The following CDC42SE2 variants were observed in gnomAD, a reference collection of about 807,000 sequenced individuals.
The protein encoded by CDC42SE2 is CDC42 small effector protein 2.
Under a neutral mutation model 11.5 loss-of-function variants are expected in CDC42SE2, and 3 were observed. The ratio of observed to expected loss-of-function variants is 0.26; its 90% CI spans 0.12 to 0.67. CDC42SE2 has a LOEUF of 0.67. Ranked by LOEUF, CDC42SE2 falls within the 30% of genes least tolerant of loss-of-function variation. CDC42SE2 has a pLI of 0.80. For synonymous variants in CDC42SE2, 33 were observed against 34.8 expected, an observed-to-expected ratio of 0.95 and a Z score of 0.18; for missense variants, 82 against 106.8, an observed-to-expected ratio of 0.77 and a Z score of 1.02.
At position 131,279,525 on chromosome 5, in the gene CDC42SE2, T is replaced by G. The variant is rs527387139; in HGVS notation, c.-455+15359T>G. Among the ~76,000 whole-genome samples, 15 of 151,516 alleles carry G rather than the reference T, an allele frequency of 9.9e-5. No individual in the cohort carries two copies. The East Asian group carries it at 2.9e-3, about 29-fold the overall frequency. On this transcript the variant is annotated intron_variant, in intron 1 of 4. Transcript: ENST00000505065. ...TTTTTTTAACTTTTTTTTCTGCTTT[T>G]ACTTATTACCCTTTAAGTGCTTGCT...
intron 1 of CDC42SE2, among the ~76,000 whole-genome samples, chr5:131,276,095 G>T (rs1161318454): frequency 1.3e-5 from 2 of 151,518 alleles, no homozygotes; most frequent in African/African-American, 4.9e-5. Flanking sequence ...ATTATGTCAA[G>T]ACAAGATTTT....
chr5:131,345,132 C>G (rs574546215), intron 2 of CDC42SE2, among the ~76,000 whole-genome samples: 42 of 152,276 alleles, frequency 2.8e-4, no homozygotes, highest in African/African-American at 8.4e-4. Context: ...AGCAACGGAA[C>G]AAAGCTGGAC....
intron 3 of CDC42SE2, among the ~76,000 whole-genome samples, chr5:131,364,174 A>G (rs1442883336): frequency 6.6e-6 from 1 of 152,210 alleles, no homozygotes; most frequent in Non-Finnish European, 1.5e-5. Context: ...ATAAGTATGT[A>G]TGGTATCAGG....
At chr5:131,389,502 A>C (rs1414823629) in intron 4 of CDC42SE2, among the ~76,000 whole-genome samples, 8 of 152,250 alleles carry the variant, frequency 5.3e-5, no homozygotes, top group Non-Finnish European at 1.0e-4. Context: ...ATTTAAGAGC[A>C]AAACACATTT....
chr5:131,230,138 A>G, the CDC42SE2 span, among the ~76,000 whole-genome samples: 3 of 147,188 alleles, frequency 2.0e-5, no homozygotes, highest in African/African-American at 8.2e-5. Context: ...TGAGCATCCT[A>G]CTTGTTCTAA....
chr5:131,222,355 G>A, the CDC42SE2 span, among the ~76,000 whole-genome samples: 3 of 152,074 alleles, frequency 2.0e-5, 1 homozygote, highest in Non-Finnish European at 4.4e-5. Flanking sequence ...AGACTGCCTG[G>A]GCTGACCCCC....
At chr5:131,276,386 C>A (rs1480721836) in intron 1 of CDC42SE2, among the ~76,000 whole-genome samples, 2 of 150,566 alleles carry the variant, frequency 1.3e-5, no homozygotes, top group Non-Finnish European at 3.0e-5. Context: ...AAGGTTGAGG[C>A]TGCAGTGAGC....
At chr5:131,282,256 T>C (rs920293382) in intron 1 of CDC42SE2, among the ~76,000 whole-genome samples, 1 of 152,242 alleles carries the variant, frequency 6.6e-6, no homozygotes, top group Non-Finnish European at 1.5e-5. Context: ...ACATTTGTGT[T>C]ATATACATAG....
intron 3 of CDC42SE2, among the ~76,000 whole-genome samples, chr5:131,376,295 C>T (rs1014386333): frequency 5.9e-5 from 9 of 151,544 alleles, no homozygotes; most frequent in African/African-American, 2.2e-4. Flanking sequence ...CAAATGAGGA[C>T]TTCTGAGCAG....
intron 1 of CDC42SE2, among the ~76,000 whole-genome samples, chr5:131,283,543 G>A (rs1476688071): frequency 6.6e-6 from 1 of 151,618 alleles, no homozygotes; most frequent in African/African-American, 2.4e-5. Flanking sequence ...ATCCAGGCTG[G>A]AGTGCAGTGG....
intron 1 of CDC42SE2, among the ~76,000 whole-genome samples, chr5:131,288,628 G>A (rs1757389714): frequency 6.6e-6 from 1 of 152,118 alleles, no homozygotes; most frequent in African/African-American, 2.4e-5. Flanking sequence ...TGAGATAGCT[G>A]GGAATATAGG....
the CDC42SE2 span, among the ~76,000 whole-genome samples, chr5:131,221,213 C>T: frequency 6.6e-6 from 1 of 152,188 alleles, no homozygotes; most frequent in Admixed American, 6.5e-5. Context: ...AACCCGCAGC[C>T]CACGGCCACA....
At chr5:131,350,939 A>G (rs1356067082) in intron 2 of CDC42SE2, among the ~76,000 whole-genome samples, 2 of 151,864 alleles carry the variant, frequency 1.3e-5, no homozygotes, top group Non-Finnish European at 2.9e-5. Flanking sequence ...TTACTCAATT[A>G]TTTTATTTTA....
rs1042387879 is a variant in CDC42SE2 at position 131,358,564 on chromosome 5, T to G, written c.-285-645T>G. ...TTGCCTGACAAGGATTCTGATAGAC[T>G]CAGCTTGGTTTGCCACAGTGGGATG... On this transcript the variant is annotated intron_variant, in intron 2 of 4. Transcript: ENST00000505065. Among the ~76,000 whole-genome samples, 7 of 152,218 alleles carry G rather than the reference T, an allele frequency of 4.6e-5. No individual in the cohort carries two copies. The East Asian group carries it at 1.4e-3, about 29-fold the overall frequency.
chr5:131,351,702 T>C (rs1364582312), intron 2 of CDC42SE2, among the ~76,000 whole-genome samples: 1 of 152,172 alleles, frequency 6.6e-6, no homozygotes, highest in Non-Finnish European at 1.5e-5. Context: ...AAACAGATTA[T>C]AGGTATAAAA....
At chr5:131,343,005 A>G (rs961923811) in intron 2 of CDC42SE2, among the ~76,000 whole-genome samples, 12 of 152,188 alleles carry the variant, frequency 7.9e-5, no homozygotes, top group South Asian at 2.1e-4. Flanking sequence ...TAAAAAGTCT[A>G]TGTGCTCATA....
intron 2 of CDC42SE2, among the ~76,000 whole-genome samples, chr5:131,349,138 A>G (rs1006796603): frequency 6.6e-6 from 1 of 152,140 alleles, no homozygotes; most frequent in African/African-American, 2.4e-5. Context: ...AAATTGACAA[A>G]TGGGATCTAA....
chr5:131,224,942 G>A, the CDC42SE2 span, among the ~76,000 whole-genome samples: 1 of 151,932 alleles, frequency 6.6e-6, no homozygotes, highest in African/African-American at 2.4e-5. Context: ...GTGCCCAGCA[G>A]GGGACCTAGA....
In CDC42SE2 at chr5:131,376,132, G is replaced by A. The variant is rs58627016; in HGVS notation, c.55-9411G>A. On this transcript the variant is annotated intron_variant, in intron 3 of 4. Transcript: ENST00000505065. ...TGCATGCCTGTAATTCCAGCTACTCGGGAGGCTGAGACACGAGAATCGCTT... is the reference window on the plus strand; with the variant it reads ...TGCATGCCTGTAATTCCAGCTACTCAGGAGGCTGAGACACGAGAATCGCTT... Among the ~76,000 whole-genome samples, 746 of 152,114 alleles carry A rather than the reference G, an allele frequency of 4.9e-3. 8 individuals carry two copies. The highest frequency in any genetic ancestry group is 0.029 in the South Asian group (138 of 4,816).
Sources: allele counts gnomAD v4.1 joint callset (sites outside exome capture counted in the v4.1 genomes callset), GRCh38; gene constraint gnomAD v4.1.1; transcripts MANE v1.5; gene names NCBI Gene and HGNC (gene_info 2026-07-23, HGNC 2026-07-21).